GALNS: variants seen among roughly 807,000 people sequenced by gnomAD.
GALNS encodes galactosamine (N-acetyl)-6-sulfatase, also known as N-acetylgalactosamine-6-sulfatase.
GALNS carries 65 observed loss-of-function variants against 65.9 expected under a neutral mutation model. That is an observed-to-expected ratio of 0.99 (90% CI 0.81 to 1.21). The LOEUF is 1.21. GALNS is among the 50% of genes most tolerant of loss of function. The probability of loss-of-function intolerance (pLI) is 0.00; values close to 1 mark genes in which losing one functional copy is unlikely to be tolerated. For missense variants in GALNS, 776 were observed against 700.7 expected (o/e 1.11, Z -1.21); for synonymous variants, 346 against 288.9 (o/e 1.20, Z -2.00).
intron 4 of GALNS, among the ~76,000 whole-genome samples, chr16:88,839,480 C>T (rs3784881): frequency 0.24 from 36,738 of 152,272 alleles, 4,868 homozygotes; most frequent in East Asian, 0.57. Flanking sequence ...GGAGTGTCCG[C>T]GGCCCTCTGG....
At chr16:88,817,219 C>T in intron 13 of GALNS, 1 of 982,846 alleles carries the variant, frequency 1.0e-6, no homozygotes, top group African/African-American at 1.8e-5. Context: ...CTGAGAGGCC[C>T]TGACTGCTGC....
intron 4 of GALNS, chr16:88,840,647 T>C (rs1478745631): frequency 5.1e-6 from 2 of 392,996 alleles, no homozygotes; most frequent in South Asian, 4.2e-5. Context: ...CTCCTGTGTG[T>C]AATGACGTGG....
chr16:88,817,148 T>C (rs2142978946), intron 13 of GALNS: 1 of 985,424 alleles, frequency 1.0e-6, no homozygotes, highest in East Asian at 1.1e-4. Context: ...ACACGCGGGA[T>C]GGCTGGGCCG....
At chr16:88,817,815 C>T (rs939668016) in intron 13 of GALNS, among the ~76,000 whole-genome samples, 192 bp downstream of exon 13, 2 of 152,174 alleles carry the variant, frequency 1.3e-5, no homozygotes, top group East Asian at 1.9e-4. Flanking sequence ...TTCTGGTCCC[C>T]GAGTCGCTTG....
At chr16:88,825,296 C>CTGGGTGT (rs1910739162) in intron 10 of GALNS, among the ~76,000 whole-genome samples, 1 of 92,802 alleles carries the variant, frequency 1.1e-5, no homozygotes, top group Non-Finnish European at 1.9e-5. Flanking sequence ...GGCTGGGGTG[C>CTGGGTGT]CTGGGTGGCC....
chr16:88,853,960 T>C (rs908591345), intron 1 of GALNS, among the ~76,000 whole-genome samples: 3 of 151,996 alleles, frequency 2.0e-5, no homozygotes, highest in South Asian at 4.2e-4. Context: ...AGTTGGAGAG[T>C]GGCTTCTGGC....
At chr16:88,833,096 A>AG (rs1418292997) in intron 8 of GALNS, among the ~76,000 whole-genome samples, 3 of 151,718 alleles carry the variant, frequency 2.0e-5, no homozygotes, top group African/African-American at 7.3e-5. Flanking sequence ...AAAAAAAAAA[A>AG]AAAAGAAAAT....
At chr16:88,837,454 C>T (rs752616872) in intron 5 of GALNS, among the ~76,000 whole-genome samples, 168 bp downstream of exon 5, 5 of 152,224 alleles carry the variant, frequency 3.3e-5, no homozygotes, top group Admixed American at 2.6e-4. Context: ...TGGGGCAAAA[C>T]TTGGTGGGAC....
At position 88,824,821 on chromosome 16, in the gene GALNS, C is replaced by T; in HGVS notation, c.1188G>A (p.Gly396=). ...RGDTLMAATL[G]QHKAHFWTWT... ...AGGTCCAGAAGTGAGCCTTGTGCTG[C>T]CCGAGGGTGGCCGCCATCAGCGTGT... The change falls in exon 11 of 14, where the codon GGG becomes GGA. Residue 396 remains glycine (G), a synonymous_variant. Coordinates refer to ENST00000268695, the MANE Select transcript of GALNS (RefSeq NM_000512.5). The T allele has an allele frequency of 6.2e-7, 1 of 1,613,438 alleles. No individual in the cohort carries two copies. The highest frequency in any genetic ancestry group is 8.5e-7 in the Non-Finnish European group (1 of 1,180,008).
intron 1 of GALNS, 71 bp downstream of exon 1, chr16:88,856,687 C>A (rs1967923294): frequency 1.7e-6 from 1 of 588,710 alleles, no homozygotes; most frequent in Non-Finnish European, 3.0e-6. Flanking sequence ...CCCCACCTCG[C>A]TCCTCCCTCC....
At chr16:88,825,719 C>CG (rs1910820294) in intron 10 of GALNS, among the ~76,000 whole-genome samples, 1 of 152,002 alleles carries the variant, frequency 6.6e-6, no homozygotes, top group Non-Finnish European at 1.5e-5. Context: ...GCAGGCGGCA[C>CG]GGGGTCTCCT....
At chr16:88,826,677 G>A in intron 10 of GALNS, 25 bp downstream of exon 10, 1 of 1,604,940 alleles carries the variant, frequency 6.2e-7, no homozygotes, top group Non-Finnish European at 8.5e-7. Flanking sequence ...TCGGGGGAAG[G>A]GGCCGGGGCA....
intron 1 of GALNS, 172 bp downstream of exon 1, chr16:88,856,586 C>CG: frequency 1.6e-6 from 1 of 610,994 alleles, no homozygotes. Context: ...GGGATACCCC[C>CG]CGTCCCCTCC....
intron 1 of GALNS, among the ~76,000 whole-genome samples, chr16:88,854,043 G>A (rs998553712): frequency 2.0e-5 from 3 of 152,348 alleles, no homozygotes; most frequent in Admixed American, 2.0e-4. Flanking sequence ...CGAAAGGGGG[G>A]CCCAGGCCCC....
intron 13 of GALNS, chr16:88,815,006 T>G (rs1909478740): frequency 3.6e-5 from 35 of 984,228 alleles, no homozygotes; most frequent in Non-Finnish European, 4.2e-5. Context: ...GTGCTGGGAT[T>G]ATAGGCGTGA....
At chr16:88,842,953 GC>G (rs1449672167) in intron 1 of GALNS, 124 bp from the exon 2 acceptor site, 4 of 1,533,160 alleles carry the variant, frequency 2.6e-6, no homozygotes, top group Admixed American at 2.0e-5. Flanking sequence ...CTGTGTCCCA[GC>G]CAGCGGCAGA....
chr16:88,831,941 C>T lies in GALNS; in HGVS notation c.1002+57G>A, dbSNP rs2142999080. 3 of 1,491,722 alleles carry T rather than the reference C, an allele frequency of 2.0e-6. No homozygotes were observed. The South Asian group carries it at 3.5e-5, about 17-fold the overall frequency. The allele number at this position is 1,491,722 out of a possible 1,614,324, so 92.4% of individuals were successfully genotyped here. The stretch of plus-strand genomic sequence containing the variant: ...GTGGCCAGTGAGGGGCGCACACACC[C>T]TGGGATGGCTGCAGGCCTGGACCTG... On this transcript the variant is annotated intron_variant, in intron 9 of 13. Transcript: ENST00000268695.
In GALNS at chr16:88,822,640, A is replaced by G; in HGVS notation, c.1313T>C (p.Leu438Pro). ...CCGTCCCAGGTGGAAGATCAGGGGC[A>G]GCTTCGTGTGGTCTTCCAGATTGTG... ...TTHNLEDHTKLPLIFHLGRDP... is the reference protein window; with the variant it reads ...TTHNLEDHTKPPLIFHLGRDP... Residue 438 changes from leucine (L) to proline (P), a missense_variant, in exon 12 of 14, where the codon CTG becomes CCG. Transcript: ENST00000268695. 1 of 1,613,134 alleles carries G rather than the reference A, an allele frequency of 6.2e-7. No individual in the cohort carries two copies. The highest frequency in any genetic ancestry group is 2.2e-5 in the East Asian group (1 of 44,862).
At chr16:88,831,790 C>T (rs1208649711) in intron 9 of GALNS, among the ~76,000 whole-genome samples, 3 of 125,076 alleles carry the variant, frequency 2.4e-5, no homozygotes, top group African/African-American at 9.7e-5. Context: ...GGGAGGAGAG[C>T]GGTGAGGCCG....
Sources: gnomAD v4.1 joint callset for allele counts (sites outside exome capture counted in the v4.1 genomes callset) on GRCh38, gnomAD v4.1.1 for gene constraint, MANE v1.5 for transcripts, NCBI Gene and HGNC (gene_info 2026-07-23, HGNC 2026-07-21) for gene names.